FZR1: variants seen among roughly 807,000 people sequenced by gnomAD.
FZR1 encodes fizzy-related protein homolog.
A neutral mutation model predicts 63.6 loss-of-function variants in FZR1; 11 were observed. The observed-to-expected ratio is 0.17, with a 90% CI of 0.11 to 0.29. FZR1 has a LOEUF of 0.29. FZR1 is among the 10% of genes least tolerant of loss of function. The pLI is 1.00. For synonymous variants in FZR1, 328 were observed against 297.9 expected (o/e 1.10, Z -1.04); for missense variants, 440 against 687.5 (o/e 0.64, Z 4.03).
In FZR1 at chr19:3,533,263, C is replaced by CA. The variant is rs2083266072; in HGVS notation, c.1243-30dup. ...CATAGCACCCGGCCTCGTTGCCCCT[C>CA]ACCGACCGCAGCGCCCCCTCCGCCC... On this transcript the variant is annotated intron_variant, in intron 11 of 13. Transcript: ENST00000441788. This position sits in a 1 kb window ranked among gnomAD's most constrained non-coding sequence, Gnocchi z 4.9. 4 of 1,387,612 alleles carry CA rather than the reference C, an allele frequency of 2.9e-6. No individual in the cohort carries two copies. Among genetic ancestry groups the CA allele is most frequent in the Non-Finnish European group, 4.1e-6 (4 of 976,048 alleles). 86.0% of individuals were successfully genotyped at this position (1,387,612 alleles called of 1,614,324 possible). A position where few individuals can be genotyped will look rare whatever the true frequency, so the allele number is the denominator to read the frequency against.
chr19:3,513,524 C>T (rs2083038148), intron 1 of FZR1, among the ~76,000 whole-genome samples: 2 of 152,214 alleles, frequency 1.3e-5, no homozygotes, highest in Non-Finnish European at 2.9e-5. Flanking sequence ...CTGTCCCAGG[C>T]CCCAAGATGC....
In FZR1 at chr19:3,534,898, C is replaced by T. The variant is rs558851696; in HGVS notation, c.*62C>T. 37 of 1,307,204 alleles carry T rather than the reference C, an allele frequency of 2.8e-5. No individual in the cohort carries two copies. Among genetic ancestry groups the T allele is most frequent in the Non-Finnish European group, 4.0e-5 (36 of 905,686 alleles). 81.0% of individuals were successfully genotyped at this position (1,307,204 alleles called of 1,614,324 possible). A position where few individuals can be genotyped will look rare whatever the true frequency, so the allele number is the denominator to read the frequency against. ...GAGTCGGAGGACCCCAGCTCCTCAG[C>T]TTGCATGGACTCTGCCTTCCCAGCG... On this transcript the variant is annotated 3_prime_UTR_variant, in exon 14 of 14. Transcript: ENST00000441788.
In FZR1 at chr19:3,516,174, C is replaced by T. The variant is rs763848775; in HGVS notation, c.-34-6782C>T. Among the ~76,000 whole-genome samples, 2 of 152,314 alleles carry T rather than the reference C, an allele frequency of 1.3e-5. No individual in the cohort carries two copies. The highest frequency in any genetic ancestry group is 6.5e-5 in the Admixed American group (1 of 15,306). ...TTGCAGCTTCTGCCAACCATGAGTG[C>T]GTGTGGCTGTCTCTCCCCACGCCTG... On this transcript the variant is annotated intron_variant, in intron 1 of 13. Coordinates refer to ENST00000441788, the MANE Select transcript of FZR1 (RefSeq NM_016263.4). This position sits in a 1 kb window ranked among gnomAD's most constrained non-coding sequence, Gnocchi z 6.0.
chr19:3,522,871 C>T lies in FZR1; in HGVS notation c.-34-85C>T, dbSNP rs553940001. 10 of 755,480 alleles carry T rather than the reference C, an allele frequency of 1.3e-5. No homozygotes were observed. The East Asian group carries it at 2.5e-4, about 19-fold the overall frequency. 46.8% of individuals were successfully genotyped at this position (755,480 alleles called of 1,614,324 possible). Reference sequence around the variant, plus strand: ...GAGGACCCCACAGTCACTCTAGCTCCCAGGGCCTGGAGGTGCAGGCGAGCC... The same window carrying T: ...GAGGACCCCACAGTCACTCTAGCTCTCAGGGCCTGGAGGTGCAGGCGAGCC... On this transcript the variant is annotated intron_variant, in intron 1 of 13. Transcript: ENST00000441788.
intron 1 of FZR1, among the ~76,000 whole-genome samples, chr19:3,517,988 C>G (rs927088271): frequency 2.0e-5 from 3 of 150,312 alleles, no homozygotes; most frequent in African/African-American, 7.3e-5. Context: ...TGTATGCCAC[C>G]ACACCCAGCT....
chr19:3,522,476 GTCTACC>G (rs2083111422), intron 1 of FZR1, among the ~76,000 whole-genome samples: 1 of 152,210 alleles, frequency 6.6e-6, no homozygotes, highest in Non-Finnish European at 1.5e-5. Context: ...CTGTGACTTG[GTCTACC>G]TGGGCCTGGA....
At position 3,516,190 on chromosome 19, in the gene FZR1, C is replaced by T. The variant is rs1178731743; in HGVS notation, c.-34-6766C>T. Among the ~76,000 whole-genome samples the T allele has an allele frequency of 6.6e-6, 1 of 152,208 alleles. No homozygotes were observed. Among genetic ancestry groups the T allele is most frequent in the Non-Finnish European group, 1.5e-5 (1 of 68,042 alleles). On this transcript the variant is annotated intron_variant, in intron 1 of 13. Coordinates refer to ENST00000441788, the MANE Select transcript of FZR1 (RefSeq NM_016263.4). This position sits in a 1 kb window ranked among gnomAD's most constrained non-coding sequence, Gnocchi z 6.0. ...CCATGAGTGCGTGTGGCTGTCTCTC[C>T]CCACGCCTGGGATGGTGAGGCCGAG...
At chr19:3,512,740 C>G (rs1449081314) in intron 1 of FZR1, among the ~76,000 whole-genome samples, 4 of 152,158 alleles carry the variant, frequency 2.6e-5, no homozygotes, top group African/African-American at 9.7e-5. Context: ...TTAATCACAT[C>G]ATGACACCGA....
intron 1 of FZR1, among the ~76,000 whole-genome samples, chr19:3,518,111 T>C (rs531306036): frequency 3.4e-4 from 51 of 151,076 alleles, no homozygotes; most frequent in African/African-American, 1.2e-3. Context: ...GCCTTCCAGG[T>C]TCAAGTGATT....
At chr19:3,529,156 G>A (rs1215661725) in intron 7 of FZR1, among the ~76,000 whole-genome samples, 1 of 59,688 alleles carries the variant, frequency 1.7e-5, no homozygotes, top group Non-Finnish European at 3.4e-5. Context: ...GAGAGCGGAT[G>A]GGAGAGCGGT....
Position 3,533,344 on chromosome 19 carries a change from C to A in FZR1, c.1293C>A (p.Pro431=). 6.2e-7 allele frequency: 1 copy of A among 1,613,098 alleles called. No homozygotes were observed. The highest frequency in any genetic ancestry group is 8.5e-7 in the Non-Finnish European group (1 of 1,179,770). ...ACCAGATCCTTGTCTGGAAGTACCCCTCCCTGACCCAGGTGGCCAAGCTGA... is the reference window on the plus strand; with the variant it reads ...ACCAGATCCTTGTCTGGAAGTACCCATCCCTGACCCAGGTGGCCAAGCTGA... The part of the protein sequence containing the change: ...SQNQILVWKY[P]SLTQVAKLTG... Residue 431 remains proline, a synonymous_variant, in exon 12 of 14, where the codon CCC becomes CCA. Transcript: ENST00000441788. The surrounding 1 kb of genome is among the most constrained non-coding windows in gnomAD (Gnocchi z 4.9).
rs978856683 is a variant in FZR1 at position 3,515,694 on chromosome 19, A to G, written c.-34-7262A>G. On this transcript the variant is annotated intron_variant, in intron 1 of 13. Transcript: ENST00000441788. This position sits in a 1 kb window ranked among gnomAD's most constrained non-coding sequence, Gnocchi z 4.6. ...AGGCAGGAGAATGGTGTGAACCAGG[A>G]GGCGGAGCTTGCAGTGAGCAGAGAT... Among the ~76,000 whole-genome samples, 1 of 150,748 alleles carries G rather than the reference A, an allele frequency of 6.6e-6. No homozygotes were observed. Among genetic ancestry groups the G allele is most frequent in the African/African-American group, 2.4e-5 (1 of 40,936 alleles).
Position 3,525,723 on chromosome 19 carries a change from T to G in FZR1, c.70-145T>G. 1.1e-6 allele frequency: 1 copy of G among 941,686 alleles called. No individual in the cohort carries two copies. Among genetic ancestry groups the G allele is most frequent in the Non-Finnish European group, 1.6e-6 (1 of 630,124 alleles). 58.3% of individuals were successfully genotyped at this position (941,686 alleles called of 1,614,324 possible). On this transcript the variant is annotated intron_variant, in intron 2 of 13. Coordinates refer to ENST00000441788, the MANE Select transcript of FZR1 (RefSeq NM_016263.4). This position sits in a 1 kb window ranked among gnomAD's most constrained non-coding sequence, Gnocchi z 4.2. ...TCCCAAAGTGCTGGGATTACGGGCG[T>G]GAGCCACCGCGCCTGGCCCACCCCT...
intron 2 of FZR1, among the ~76,000 whole-genome samples, chr19:3,524,763 G>A (rs1160248076): frequency 2.6e-5 from 4 of 152,114 alleles, no homozygotes; most frequent in Admixed American, 6.6e-5. Flanking sequence ...CCTGCTATCC[G>A]TGGCTGTGAC....
At chr19:3,522,931 A>C (rs1599780116) in intron 1 of FZR1, 25 bp from the exon 2 acceptor site, 4 of 1,230,952 alleles carry the variant, frequency 3.2e-6, no homozygotes, top group Non-Finnish European at 4.8e-6. Flanking sequence ...TGCCCCACTC[A>C]CCTCTCCTGC....
In FZR1 at chr19:3,525,814, C is replaced by T. The variant is rs1483686130; in HGVS notation, c.70-54C>T. On this transcript the variant is annotated intron_variant, in intron 2 of 13. Transcript: ENST00000441788. This position sits in a 1 kb window ranked among gnomAD's most constrained non-coding sequence, Gnocchi z 4.2. ...AGGCTGAGAGAGGCTGGCCTGGGGG[C>T]ACTCTCGGGGGGCTCTCGGTGCTGA... 5 of 1,585,026 alleles carry T rather than the reference C, an allele frequency of 3.2e-6. No individual in the cohort carries two copies. Among genetic ancestry groups the T allele is most frequent in the African/African-American group, 1.3e-5 (1 of 74,484 alleles).
At chr19:3,508,661 G>A (rs551036288) in intron 1 of FZR1, among the ~76,000 whole-genome samples, 1 of 152,274 alleles carries the variant, frequency 6.6e-6, no homozygotes, top group East Asian at 1.9e-4. Context: ...TGTGTGTAGG[G>A]CCGCTCCCGG....
chr19:3,514,056 T>G lies in FZR1; in HGVS notation c.-35+7582T>G, dbSNP rs1328699811. Among the ~76,000 whole-genome samples, 1 of 152,144 alleles carries G rather than the reference T, an allele frequency of 6.6e-6. No homozygotes were observed. The highest frequency in any genetic ancestry group is 1.5e-5 in the Non-Finnish European group (1 of 68,002). On this transcript the variant is annotated intron_variant, in intron 1 of 13. Transcript: ENST00000441788. This position sits in a 1 kb window ranked among gnomAD's most constrained non-coding sequence, Gnocchi z 4.2. ...GCCTCCAGGAACCAGAGTGCTGTGTTCCTGAGGAAGATCCCGCACCAGGGG... is the reference window on the plus strand; with the variant it reads ...GCCTCCAGGAACCAGAGTGCTGTGTGCCTGAGGAAGATCCCGCACCAGGGG...
intron 7 of FZR1, among the ~76,000 whole-genome samples, chr19:3,529,467 C>T (rs2083207672): frequency 8.1e-6 from 1 of 122,846 alleles, no homozygotes; most frequent in South Asian, 2.5e-4. Context: ...GATGGGAGAG[C>T]AGATGGGAGA....
Sources: allele counts gnomAD v4.1 joint callset (sites outside exome capture counted in the v4.1 genomes callset), GRCh38; gene constraint gnomAD v4.1.1; non-coding constraint Gnocchi (gnomAD v3.1); transcripts MANE v1.5; gene names NCBI Gene and HGNC (gene_info 2026-07-23, HGNC 2026-07-21).